The following SBF2 variants were observed in gnomAD, a reference collection of about 807,000 sequenced individuals.
SBF2 encodes the protein myotubularin-related protein 13.
In SBF2, 112 loss-of-function variants were observed where a neutral mutation model predicts 225.2. That is an observed-to-expected ratio of 0.50 (90% CI 0.43 to 0.58). SBF2 has a LOEUF of 0.58. Ranked by LOEUF, SBF2 falls within the 20% of genes least tolerant of loss-of-function variation. The pLI is 0.00. For missense variants in SBF2, 1,996 were observed against 2,206.2 expected (o/e 0.90, Z 1.91); for synonymous variants, 763 against 773.3 (o/e 0.99, Z 0.22).
intron 2 of SBF2, among the ~76,000 whole-genome samples, chr11:10,156,270 T>C (rs927772999): frequency 2.0e-5 from 3 of 152,218 alleles, no homozygotes; most frequent in Admixed American, 2.0e-4. Context: ...CACCCACCTC[T>C]GGACTTTGGT....
chr11:9,990,225 C>T (rs1237283686), intron 12 of SBF2, among the ~76,000 whole-genome samples: 2 of 152,076 alleles, frequency 1.3e-5, no homozygotes, highest in Admixed American at 1.3e-4. Flanking sequence ...TAAAAAGGTA[C>T]AATACAGGAT....
intron 16 of SBF2, among the ~76,000 whole-genome samples, chr11:9,924,620 C>T (rs1327514778): frequency 6.6e-5 from 10 of 151,932 alleles, no homozygotes; most frequent in East Asian, 1.9e-4. Flanking sequence ...TTAGTAGAGA[C>T]GAGGTTTCAC....
intron 8 of SBF2, among the ~76,000 whole-genome samples, chr11:9,998,793 T>G (rs1947820071): frequency 6.6e-6 from 1 of 152,168 alleles, no homozygotes; most frequent in South Asian, 2.1e-4. Context: ...GGATCTTGAG[T>G]GACTTCATAG....
chr11:10,250,602 G>A (rs1327486959), intron 1 of SBF2, among the ~76,000 whole-genome samples: 1 of 152,022 alleles, frequency 6.6e-6, no homozygotes, highest in Non-Finnish European at 1.5e-5. Context: ...ATTTATAAAG[G>A]GATTTCATTC....
intron 38 of SBF2, among the ~76,000 whole-genome samples, chr11:9,783,698 C>A (rs1852182685): frequency 6.6e-6 from 1 of 152,228 alleles, no homozygotes; most frequent in Admixed American, 6.5e-5. Context: ...CAAAAGATTT[C>A]TTGACATAGT....
rs552935970 is a variant in SBF2, at chr11:9,913,637, G to C, written c.1861-17626C>G. On this transcript the variant is annotated intron_variant, in intron 16 of 39. Coordinates refer to ENST00000256190, the MANE Select transcript of SBF2 (RefSeq NM_030962.4). ...TAACAGAGTTGTTTAAAATAGCTGA[G>C]ATTAAAAAAATAAAATAAAATAAAA... Among the ~76,000 whole-genome samples the C allele has an allele frequency of 1.3e-4, 14 of 105,538 alleles. No homozygotes were observed. The South Asian group carries it at 4.2e-3, about 32-fold the overall frequency. 69.2% of individuals were successfully genotyped at this position (105,538 alleles called of 152,430 possible). A position where few individuals can be genotyped will look rare whatever the true frequency, so the allele number is the denominator to read the frequency against.
At chr11:10,221,355 T>G (rs529369510) in intron 1 of SBF2, among the ~76,000 whole-genome samples, 2 of 152,258 alleles carry the variant, frequency 1.3e-5, no homozygotes, top group Admixed American at 1.3e-4. Context: ...TGACCTTAAG[T>G]GATCTGCCCG....
chr11:10,119,417 C>T (rs143012923), intron 2 of SBF2, among the ~76,000 whole-genome samples: 1 of 152,240 alleles, frequency 6.6e-6, no homozygotes, highest in East Asian at 1.9e-4. Context: ...AAACACTATT[C>T]CAGTTGAACT....
chr11:9,940,738 A>G (rs1865205247), intron 16 of SBF2, among the ~76,000 whole-genome samples: 1 of 152,178 alleles, frequency 6.6e-6, no homozygotes, highest in Non-Finnish European at 1.5e-5. Context: ...CTCATTGTGA[A>G]CTCAGAAAAT....
rs1483458304 is a variant in SBF2, at chr11:9,853,567, T to C, written c.2509A>G (p.Ile837Val). 2 of 1,614,050 alleles carry C rather than the reference T, an allele frequency of 1.2e-6. No individual in the cohort carries two copies. The highest frequency in any genetic ancestry group is 3.3e-5 in the Admixed American group (2 of 60,026). ...CTESGVTQDH[I>V]KSLHCMIPGI... ...GGTATCATGCAATGAAGGCTCTTGA[T>C]GTGATCCTGAGTAACTCCACTCTCT... Residue 837 changes from isoleucine (I) to valine (V), a missense_variant, in exon 20 of 40, where the codon ATC becomes GTC. Ile to Val is a conservative substitution (Grantham distance 29). Coordinates refer to ENST00000256190, the MANE Select transcript of SBF2 (RefSeq NM_030962.4).
Position 10,077,045 on chromosome 11 carries a change from T to G in SBF2, c.142-34064A>C, listed in dbSNP as rs377581456. ...ATATTGCCACCACCTCAGCTGGATC[T>G]CGCATGCTAGCGCCACCTACTGGCT... On this transcript the variant is annotated intron_variant, in intron 2 of 39. Coordinates refer to ENST00000256190, the MANE Select transcript of SBF2 (RefSeq NM_030962.4). Among the ~76,000 whole-genome samples, 45 of 152,232 alleles carry G rather than the reference T, an allele frequency of 3.0e-4. No individual in the cohort carries two copies. The East Asian group carries it at 8.1e-3, about 28-fold the overall frequency.
chr11:10,270,689 C>T (rs1962397509), intron 1 of SBF2, among the ~76,000 whole-genome samples: 1 of 152,166 alleles, frequency 6.6e-6, no homozygotes. Context: ...ATGCTATAAA[C>T]ATGTTTTTAA....
rs556340276 is a variant in SBF2, at chr11:10,231,621, C to T, written c.56-37634G>A. Among the ~76,000 whole-genome samples, 609 of 152,278 alleles carry T rather than the reference C, an allele frequency of 4.0e-3. 6 individuals carry two copies. The highest frequency in any genetic ancestry group is 5.6e-3 in the South Asian group (27 of 4,820). On this transcript the variant is annotated intron_variant, in intron 1 of 39. Transcript: ENST00000256190. ...ATCAGCAGCGGTGGCTGCAGAACAG[C>T]GGATATTGGTGAACTGCAAATGCTG...
chr11:9,949,134 TAGAA>T (rs935168130), intron 16 of SBF2, among the ~76,000 whole-genome samples: 1 of 152,134 alleles, frequency 6.6e-6, no homozygotes, highest in African/African-American at 2.4e-5. Context: ...AGAAGAAAGG[TAGAA>T]AGCACAATTT....
At chr11:9,949,471 A>G (rs182058613) in intron 16 of SBF2, among the ~76,000 whole-genome samples, 5 of 152,316 alleles carry the variant, frequency 3.3e-5, no homozygotes, top group Admixed American at 2.6e-4. Flanking sequence ...CTCTTTTCTA[A>G]TAACAGCTTC....
intron 24 of SBF2, among the ~76,000 whole-genome samples, chr11:9,843,585 T>C (rs1006287795): frequency 2.0e-5 from 3 of 152,224 alleles, no homozygotes; most frequent in African/African-American, 7.2e-5. Flanking sequence ...TATATTCTTC[T>C]CTATCACAAA....
At chr11:9,943,785 G>C (rs555444150) in intron 16 of SBF2, among the ~76,000 whole-genome samples, 25 of 152,272 alleles carry the variant, frequency 1.6e-4, no homozygotes, top group African/African-American at 6.0e-4. Flanking sequence ...TGCTGTCAGA[G>C]TATAAATTTG....
intron 2 of SBF2, 44 bp from the exon 3 acceptor site, chr11:10,043,025 A>T: frequency 6.4e-7 from 1 of 1,567,518 alleles, no homozygotes. Context: ...AAAACAATAA[A>T]AGTTAATTAT....
At chr11:10,071,020 GAC>G (rs1212609123) in intron 2 of SBF2, among the ~76,000 whole-genome samples, 1 of 152,142 alleles carries the variant, frequency 6.6e-6, no homozygotes, top group Non-Finnish European at 1.5e-5. Flanking sequence ...TGTTTCCTGA[GAC>G]ACTGCTGAAG....
Sources: gnomAD v4.1 joint callset for allele counts (sites outside exome capture counted in the v4.1 genomes callset) on GRCh38, gnomAD v4.1.1 for gene constraint, MANE v1.5 for transcripts, NCBI Gene and HGNC (gene_info 2026-07-23, HGNC 2026-07-21) for gene names.